The following ATP8A2 variants were observed in gnomAD, a reference collection of about 807,000 sequenced individuals.
ATP8A2 encodes the protein ATPase phospholipid transporting 8A2, also known as phospholipid-transporting ATPase IB.
Under a neutral mutation model 165.6 loss-of-function variants are expected in ATP8A2, and 100 were observed. The observed-to-expected ratio is 0.60, with a 90% confidence interval of 0.51 to 0.71. The LOEUF (loss-of-function observed/expected upper bound fraction) is 0.71. ATP8A2 is among the 30% of genes least tolerant of loss of function. The probability of loss-of-function intolerance (pLI) is 0.00; values close to 1 mark genes in which losing one functional copy is unlikely to be tolerated. For missense variants in ATP8A2, 1,227 were observed against 1,479.5 expected (o/e 0.83, Z 2.80); for synonymous variants, 543 against 548.8 (o/e 0.99, Z 0.15).
rs143373879 is a variant in ATP8A2 at position 25,796,997 on chromosome 13, A to G, written c.2679+22038A>G. 3.3e-3 allele frequency among the ~76,000 whole-genome samples: 498 copies of G among 152,272 alleles called. 2 individuals are homozygous for G. The highest frequency in any genetic ancestry group is 0.011 in the African/African-American group (472 of 41,572). Reference sequence around the variant, plus strand: ...AAAATAACTAAAACAGCCAGGCGCCATGGCTCATGCCTATAATCCCAACAC... The same window carrying G: ...AAAATAACTAAAACAGCCAGGCGCCGTGGCTCATGCCTATAATCCCAACAC... On this transcript the variant is annotated intron_variant, in intron 27 of 36. Coordinates refer to ENST00000381655, the MANE Select transcript of ATP8A2 (RefSeq NM_016529.6).
chr13:25,805,920 T>TA (rs1343367084), intron 27 of ATP8A2, among the ~76,000 whole-genome samples: 9 of 151,922 alleles, frequency 5.9e-5, no homozygotes, highest in Middle Eastern at 3.4e-3. Context: ...TATAAGAAAG[T>TA]AAAAAAAATG....
At chr13:26,008,376 A>G (rs1389974359) in intron 35 of ATP8A2, among the ~76,000 whole-genome samples, 1 of 152,212 alleles carries the variant, frequency 6.6e-6, no homozygotes, top group African/African-American at 2.4e-5. Context: ...AAATTAAAAC[A>G]TATTAGAAAA....
chr13:25,973,115 C>A (rs778373677), intron 35 of ATP8A2, among the ~76,000 whole-genome samples: 8 of 152,078 alleles, frequency 5.3e-5, no homozygotes, highest in Non-Finnish European at 8.8e-5. Flanking sequence ...TAAACAGACC[C>A]GGTTGCTGCC....
chr13:25,634,748 T>C (rs2041328989), intron 24 of ATP8A2, among the ~76,000 whole-genome samples: 1 of 152,178 alleles, frequency 6.6e-6, no homozygotes, highest in South Asian at 2.1e-4. Flanking sequence ...CAAGCATTTC[T>C]TTCACTTGCC....
chr13:25,961,809 A>T (rs573782049), intron 34 of ATP8A2, 146 bp downstream of exon 34: 35 of 626,538 alleles, frequency 5.6e-5, no homozygotes, highest in East Asian at 2.9e-4. Flanking sequence ...TGAAAAAAAA[A>T]TTTTTTTAGT....
chr13:25,825,088 G>T (rs1399190549), intron 27 of ATP8A2, among the ~76,000 whole-genome samples: 1 of 134,030 alleles, frequency 7.5e-6, no homozygotes, highest in Non-Finnish European at 1.6e-5. Context: ...TGCATCTATT[G>T]TATATCATTT....
intron 24 of ATP8A2, among the ~76,000 whole-genome samples, chr13:25,698,924 A>T (rs893199257): frequency 6.6e-6 from 1 of 152,172 alleles, no homozygotes; most frequent in Non-Finnish European, 1.5e-5. Flanking sequence ...AATAATGTGT[A>T]TGTAGTGTAA....
At chr13:25,509,349 TC>T (rs1415396676) in intron 2 of ATP8A2, among the ~76,000 whole-genome samples, 1 of 152,092 alleles carries the variant, frequency 6.6e-6, no homozygotes, top group African/African-American at 2.4e-5. Flanking sequence ...TACCAAAAGA[TC>T]AATTAAAAAT....
At chr13:26,001,530 A>T (rs553989106) in intron 35 of ATP8A2, among the ~76,000 whole-genome samples, 1 of 151,922 alleles carries the variant, frequency 6.6e-6, no homozygotes, top group South Asian at 2.1e-4. Flanking sequence ...TTATTTTCTG[A>T]GTTATTTTGG....
intron 1 of ATP8A2, among the ~76,000 whole-genome samples, chr13:25,451,621 T>A (rs1265534758): frequency 6.6e-6 from 1 of 151,886 alleles, no homozygotes; most frequent in African/African-American, 2.4e-5. Context: ...TGATGTGCAA[T>A]TTTTTTTGTC....
chr13:25,696,300 A>G (rs1223779366), intron 24 of ATP8A2, among the ~76,000 whole-genome samples: 1 of 151,902 alleles, frequency 6.6e-6, no homozygotes, highest in Non-Finnish European at 1.5e-5. Context: ...CAGAACGGTA[A>G]ATGAGCATTG....
chr13:25,550,228 C>A (rs1443219245), intron 10 of ATP8A2, among the ~76,000 whole-genome samples: 1 of 152,112 alleles, frequency 6.6e-6, no homozygotes, highest in African/African-American at 2.4e-5. Context: ...TTGCTTGAAC[C>A]CAGGAGGCGG....
intron 26 of ATP8A2, among the ~76,000 whole-genome samples, chr13:25,773,095 T>G (rs2044661362): frequency 6.6e-6 from 1 of 152,136 alleles, no homozygotes; most frequent in East Asian, 1.9e-4. Context: ...CATCTGAAAT[T>G]AATAAGAAGT....
intron 2 of ATP8A2, among the ~76,000 whole-genome samples, chr13:25,510,174 AACACACACACACACAC>A (rs57755000): frequency 3.9e-5 from 5 of 128,494 alleles, no homozygotes; most frequent in Admixed American, 8.0e-5. Flanking sequence ...GTCTGTCTGT[AACACACACACACACAC>A]ACACACACAC....
At chr13:25,548,717 T>C (rs1442730914) in intron 10 of ATP8A2, among the ~76,000 whole-genome samples, 1 of 152,118 alleles carries the variant, frequency 6.6e-6, no homozygotes, top group African/African-American at 2.4e-5. Flanking sequence ...CCGTAAAGGA[T>C]GAATAATTTA....
At chr13:25,810,872 C>G (rs183493571) in intron 27 of ATP8A2, among the ~76,000 whole-genome samples, 1 of 152,088 alleles carries the variant, frequency 6.6e-6, no homozygotes, top group East Asian at 1.9e-4. Flanking sequence ...TATGTCTATC[C>G]CATCAAATTG....
At chr13:25,408,412 AG>A (rs1176000757) in intron 1 of ATP8A2, among the ~76,000 whole-genome samples, 2 of 150,758 alleles carry the variant, frequency 1.3e-5, no homozygotes, top group Non-Finnish European at 3.0e-5. Context: ...AAGCTTGTGC[AG>A]GATCCCAGGT....
intron 1 of ATP8A2, among the ~76,000 whole-genome samples, chr13:25,460,049 A>G (rs569539209): frequency 6.6e-6 from 1 of 152,198 alleles, no homozygotes; most frequent in Non-Finnish European, 1.5e-5. Flanking sequence ...AAAAATACAA[A>G]AATTAGCCGG....
chr13:25,489,723 T>G (rs1160211183), intron 2 of ATP8A2, among the ~76,000 whole-genome samples: 1 of 152,234 alleles, frequency 6.6e-6, no homozygotes. Flanking sequence ...CCTTCACACT[T>G]AATTGCTTAT....
Sources: gnomAD v4.1 joint callset for allele counts (sites outside exome capture counted in the v4.1 genomes callset) on GRCh38, gnomAD v4.1.1 for gene constraint, MANE v1.5 for transcripts, NCBI Gene and HGNC (gene_info 2026-07-23, HGNC 2026-07-21) for gene names.